DCDC1: variants seen among roughly 807,000 people sequenced by gnomAD.
DCDC1 encodes doublecortin domain containing 1.
Under a neutral mutation model 178.3 loss-of-function variants are expected in DCDC1, and 200 were observed. The observed-to-expected ratio is 1.12, with a 90% CI of 1.00 to 1.26. The LOEUF (loss-of-function observed/expected upper bound fraction) is 1.26. Ranked by LOEUF, DCDC1 falls within the 50% of genes most tolerant of loss-of-function variation. The pLI is 0.00. For synonymous variants in DCDC1, 690 were observed against 604.8 expected, an observed-to-expected ratio of 1.14 and a Z score of -2.07; for missense variants, 1,983 against 1,749.2, an observed-to-expected ratio of 1.13 and a Z score of -2.38.
At chr11:30,865,746 G>T (rs1425052514) in intron 38 of DCDC1, among the ~76,000 whole-genome samples, 1 of 152,042 alleles carries the variant, frequency 6.6e-6, no homozygotes, top group East Asian at 1.9e-4. Context: ...TACCTCATAG[G>T]ATAATAGTTT....
intron 3 of DCDC1, among the ~76,000 whole-genome samples, chr11:31,311,733 G>A (rs1948782615): frequency 6.6e-6 from 1 of 152,048 alleles, no homozygotes; most frequent in Non-Finnish European, 1.5e-5. Context: ...ACAAACAACT[G>A]CCAGCATGAT....
At chr11:31,028,227 A>G (rs1953373931) in intron 20 of DCDC1, among the ~76,000 whole-genome samples, 1 of 151,924 alleles carries the variant, frequency 6.6e-6, no homozygotes, top group Non-Finnish European at 1.5e-5. Flanking sequence ...AACATTCTTA[A>G]TACAAATGCA....
intron 19 of DCDC1, 113 bp downstream of exon 19, chr11:31,064,906 C>A (rs1484005453): frequency 8.5e-6 from 5 of 585,462 alleles, no homozygotes; most frequent in Non-Finnish European, 1.5e-5. Context: ...CTATCCATAA[C>A]ATTAAGTTGT....
intron 9 of DCDC1, among the ~76,000 whole-genome samples, chr11:31,208,148 T>C (rs1972084265): frequency 6.6e-6 from 1 of 152,212 alleles, no homozygotes. Context: ...TTAATAGTTA[T>C]ATATTAAACT....
intron 9 of DCDC1, among the ~76,000 whole-genome samples, chr11:31,153,306 A>G (rs369939834): frequency 1.3e-5 from 2 of 152,044 alleles, no homozygotes; most frequent in Non-Finnish European, 2.9e-5. Context: ...AGTTATTCTC[A>G]TGTTATACAA....
intron 3 of DCDC1, among the ~76,000 whole-genome samples, chr11:31,327,474 G>A (rs1256466860): frequency 6.6e-6 from 1 of 151,996 alleles, no homozygotes; most frequent in Non-Finnish European, 1.5e-5. Context: ...CCAGCCTCTA[G>A]TATTGTTTTG....
Position 30,931,962 on chromosome 11 carries a change from GAAATGACAA to G in DCDC1, c.2716-19_2716-11del, listed in dbSNP as rs1946956986. On this transcript the variant is annotated splice_polypyrimidine_tract_variant and intron_variant, in intron 21 of 38. Coordinates refer to ENST00000684477, the MANE Select transcript of DCDC1 (RefSeq NM_001387274.1). ...TTGGCCAATCAAACTCCTTCAGAAA[GAAATGACAA>G]AAACATAATAATAAATACAGAAGAA... The G allele has an allele frequency of 5.7e-6, 9 of 1,592,358 alleles. No individual in the cohort carries two copies. Among genetic ancestry groups the G allele is most frequent in the East Asian group, 2.2e-5 (1 of 44,544 alleles).
intron 21 of DCDC1, among the ~76,000 whole-genome samples, chr11:30,949,101 T>A (rs1168073637): frequency 6.6e-6 from 1 of 152,118 alleles, no homozygotes; most frequent in Non-Finnish European, 1.5e-5. Context: ...TTGCAATCTA[T>A]CCATCTGACA....
chr11:30,935,433 C>T (rs927927296), intron 21 of DCDC1, among the ~76,000 whole-genome samples: 2 of 152,212 alleles, frequency 1.3e-5, no homozygotes, highest in African/African-American at 4.8e-5. Flanking sequence ...AATTACTAAC[C>T]TGATTGGGTA....
chr11:30,976,598 T>A (rs1223454888), intron 20 of DCDC1, among the ~76,000 whole-genome samples: 2 of 151,296 alleles, frequency 1.3e-5, no homozygotes, highest in East Asian at 1.9e-4. Flanking sequence ...ACATCACTAA[T>A]CGTCAGAGAA....
At position 31,265,551 on chromosome 11, in the gene DCDC1, T is replaced by C. The variant is rs1945095461; in HGVS notation, c.1010A>G (p.Tyr337Cys). 2 of 1,447,320 alleles carry C rather than the reference T, an allele frequency of 1.4e-6. No homozygotes were observed. The highest frequency in any genetic ancestry group is 1.9e-4 in the Middle Eastern group (1 of 5,362). The allele number at this position is 1,447,320 out of a possible 1,614,324, so 89.7% of individuals were successfully genotyped here. A position where few individuals can be genotyped will look rare whatever the true frequency, so the allele number is the denominator to read the frequency against. The change falls in exon 8 of 39, where the codon TAT becomes TGT. Residue 337 changes from tyrosine (Y) to cysteine (C), a missense_variant. Tyr to Cys is a radical substitution (Grantham distance 194, BLOSUM62 -2). Transcript: ENST00000684477. ...IRMNLNLPAR[Y>C]FYDLYGRKIE... is the part of the protein sequence containing the mutation. Reference sequence around the variant, plus strand: ...TTTTCTGCCATACAAATCATAAAAATATCTGGCTGGTAAATTTAGATTCAT... The same window carrying C: ...TTTTCTGCCATACAAATCATAAAAACATCTGGCTGGTAAATTTAGATTCAT...
intron 20 of DCDC1, among the ~76,000 whole-genome samples, chr11:31,021,596 T>G (rs1565191676): frequency 6.6e-6 from 1 of 152,068 alleles, no homozygotes; most frequent in Non-Finnish European, 1.5e-5. Flanking sequence ...GGGGAGTGAT[T>G]TTTTGGTGGA....
chr11:31,045,323 G>A (rs758917809), intron 20 of DCDC1, among the ~76,000 whole-genome samples: 3 of 151,552 alleles, frequency 2.0e-5, no homozygotes, highest in Non-Finnish European at 2.9e-5. Context: ...CTTCTTACAC[G>A]TGACGGAGGG....
chr11:30,881,116 A>C (rs1194082829), intron 37 of DCDC1, 42 bp downstream of exon 37: 4 of 1,605,578 alleles, frequency 2.5e-6, no homozygotes, highest in Non-Finnish European at 3.4e-6. Context: ...TGAATGCTTT[A>C]ATTCTTCAAA....
chr11:31,328,606 G>A (rs1198156771), intron 2 of DCDC1, among the ~76,000 whole-genome samples: 2 of 152,016 alleles, frequency 1.3e-5, no homozygotes, highest in African/African-American at 4.8e-5. Flanking sequence ...AGACCATCCT[G>A]GCTAACACAG....
chr11:31,137,596 C>T, intron 10 of DCDC1, 96 bp downstream of exon 10: 1 of 603,500 alleles, frequency 1.7e-6, no homozygotes, highest in Non-Finnish European at 3.0e-6. Context: ...GATCTTCCCG[C>T]CTCGGCCTCC....
chr11:31,362,059 C>G (rs945255329), intron 1 of DCDC1, among the ~76,000 whole-genome samples: 3 of 152,110 alleles, frequency 2.0e-5, no homozygotes, highest in African/African-American at 4.8e-5. Flanking sequence ...TTTAGCCTAA[C>G]GCTAAACTAT....
At chr11:31,116,603 G>A (rs1447835323) in intron 11 of DCDC1, among the ~76,000 whole-genome samples, 1 of 151,712 alleles carries the variant, frequency 6.6e-6, no homozygotes, top group African/African-American at 2.4e-5. Flanking sequence ...CAGTAAACTT[G>A]TCTAATTTTA....
At chr11:30,996,731 A>G (rs1234401599) in intron 20 of DCDC1, among the ~76,000 whole-genome samples, 1 of 152,150 alleles carries the variant, frequency 6.6e-6, no homozygotes, top group East Asian at 1.9e-4. Context: ...CTGCCTCTGA[A>G]GCTGTGAGAA....
Sources: gnomAD v4.1 joint callset for allele counts (sites outside exome capture counted in the v4.1 genomes callset) on GRCh38, gnomAD v4.1.1 for gene constraint, MANE v1.5 for transcripts, NCBI Gene and HGNC (gene_info 2026-07-23, HGNC 2026-07-21) for gene names.